HIVEP3: variants seen among roughly 807,000 people sequenced by gnomAD.
HIVEP3 encodes HIVEP zinc finger 3, also known as transcription factor HIVEP3.
A neutral mutation model predicts 152.8 loss-of-function variants in HIVEP3; 49 were observed. The observed-to-expected ratio is 0.32, with a 90% CI of 0.26 to 0.41. HIVEP3 has a LOEUF of 0.41. Among genes scored for constraint, HIVEP3 ranks in the 10% least tolerant of loss-of-function variants. The pLI, the probability that HIVEP3 is intolerant of heterozygous loss-of-function variation, is 1.00. For synonymous variants in HIVEP3, 1,269 were observed against 1,289.0 expected, an observed-to-expected ratio of 0.98 and a Z score of 0.33; for missense variants, 2,790 against 3,103.3, an observed-to-expected ratio of 0.90 and a Z score of 2.40.
intron 1 of HIVEP3, among the ~76,000 whole-genome samples, chr1:41,976,742 C>T (rs1234844505): frequency 6.6e-6 from 1 of 152,076 alleles, no homozygotes; most frequent in East Asian, 1.9e-4. Context: ...TCCAATATGA[C>T]TGATGTCCTT....
rs148475997 is a variant in HIVEP3 at position 41,757,308 on chromosome 1, G to A, written c.-800-56313C>T. 7.8e-3 allele frequency among the ~76,000 whole-genome samples: 1,182 copies of A among 151,926 alleles called. 8 individuals are homozygous for A. The highest frequency in any genetic ancestry group is 0.024 in the African/African-American group (985 of 41,400). ...TTTTTTTTGTATTTTTAGTAGAGAC[G>A]GAGTTTCACCATGTTAGCCAGGATG... On this transcript the variant is annotated intron_variant, in intron 1 of 8. Coordinates refer to ENST00000372583, the MANE Select transcript of HIVEP3 (RefSeq NM_024503.5).
intron 1 of HIVEP3, among the ~76,000 whole-genome samples, chr1:42,019,303 T>C (rs1055004026): frequency 6.6e-6 from 1 of 152,044 alleles, no homozygotes; most frequent in Non-Finnish European, 1.5e-5. Flanking sequence ...TTTGAATGGC[T>C]TGTATAATAT....
At chr1:41,831,792 G>T (rs1248882255) in intron 1 of HIVEP3, among the ~76,000 whole-genome samples, 1 of 152,162 alleles carries the variant, frequency 6.6e-6, no homozygotes, top group African/African-American at 2.4e-5. Context: ...ACCTCACCTG[G>T]CCTGGAGCAA....
chr1:41,848,977 T>C (rs1643519897), intron 1 of HIVEP3: 1 of 152,280 alleles, frequency 6.6e-6, no homozygotes, highest in African/African-American at 2.4e-5. Flanking sequence ...GGCATGGTAT[T>C]GGAATCTGTG....
At chr1:41,981,174 AAAC>A (rs1435835514) in intron 1 of HIVEP3, among the ~76,000 whole-genome samples, 4 of 152,206 alleles carry the variant, frequency 2.6e-5, no homozygotes, top group Admixed American at 6.5e-5. Flanking sequence ...GGTGGAAAGC[AAAC>A]AACAAGAGGA....
chr1:42,017,694 G>A (rs1645531677), intron 1 of HIVEP3, among the ~76,000 whole-genome samples: 1 of 151,992 alleles, frequency 6.6e-6, no homozygotes, highest in Non-Finnish European at 1.5e-5. Context: ...TCCAGTTTGA[G>A]GCTATTATGA....
intron 1 of HIVEP3, among the ~76,000 whole-genome samples, chr1:41,896,377 G>A (rs928264761): frequency 2.6e-5 from 4 of 152,130 alleles, no homozygotes; most frequent in Non-Finnish European, 4.4e-5. Context: ...CTTAACCACT[G>A]TGAACTTGCG....
intron 5 of HIVEP3, among the ~76,000 whole-genome samples, chr1:41,526,115 C>T (rs952518068): frequency 6.6e-6 from 1 of 151,974 alleles, no homozygotes; most frequent in African/African-American, 2.4e-5. Context: ...GGGCTCCACC[C>T]TGCTCCAATG....
Position 41,507,150 on chromosome 1 carries a change from G to C in HIVEP3, c.*3301C>G, listed in dbSNP as rs1317833059. 1.3e-5 allele frequency: 2 copies of C among 152,202 alleles called. No individual in the cohort carries two copies. Among genetic ancestry groups the C allele is most frequent in the Non-Finnish European group, 2.9e-5 (2 of 68,058 alleles). 9.4% of individuals were successfully genotyped at this position (152,202 alleles called of 1,614,324 possible). On this transcript the variant is annotated 3_prime_UTR_variant, in exon 9 of 9. Coordinates refer to ENST00000372583, the MANE Select transcript of HIVEP3 (RefSeq NM_024503.5). Reference sequence around the variant, plus strand: ...GAGAGAAATCCAGCTCAGATGTATTGCTCATTCCTCTTCAGAAGGACTGGG... The same window carrying C: ...GAGAGAAATCCAGCTCAGATGTATTCCTCATTCCTCTTCAGAAGGACTGGG...
At chr1:41,769,512 G>T (rs1332936600) in intron 1 of HIVEP3, among the ~76,000 whole-genome samples, 1 of 152,140 alleles carries the variant, frequency 6.6e-6, no homozygotes, top group Non-Finnish European at 1.5e-5. Context: ...AGAAAGCACT[G>T]ATTCTAAGGC....
At chr1:41,828,790 C>T (rs1642876286) in intron 1 of HIVEP3, among the ~76,000 whole-genome samples, 2 of 152,248 alleles carry the variant, frequency 1.3e-5, no homozygotes, top group African/African-American at 4.8e-5. Flanking sequence ...TGCACCCTGG[C>T]CAGTCTCCTA....
rs115026781 is a variant in HIVEP3 at position 41,735,629 on chromosome 1, G to A, written c.-800-34634C>T. Among the ~76,000 whole-genome samples the A allele has an allele frequency of 5.8e-3, 879 of 152,166 alleles. 11 individuals are homozygous for A. Among genetic ancestry groups the A allele is most frequent in the African/African-American group, 0.02 (827 of 41,500 alleles). On this transcript the variant is annotated intron_variant, in intron 1 of 8. Coordinates refer to ENST00000372583, the MANE Select transcript of HIVEP3 (RefSeq NM_024503.5). ...TGCCTTTCTCCCCTATGGCTGGCAGGCTGGAGATATGTCTCCAGCCTGGAG... is the reference window on the plus strand; with the variant it reads ...TGCCTTTCTCCCCTATGGCTGGCAGACTGGAGATATGTCTCCAGCCTGGAG...
At chr1:41,859,257 A>G (rs1399683697) in intron 1 of HIVEP3, among the ~76,000 whole-genome samples, 1 of 152,220 alleles carries the variant, frequency 6.6e-6, no homozygotes, top group Non-Finnish European at 1.5e-5. Flanking sequence ...AGTAGCTGGC[A>G]CCATGCCCAG....
intron 1 of HIVEP3, among the ~76,000 whole-genome samples, chr1:41,991,693 C>A (rs1178803587): frequency 0.023 from 3,453 of 150,300 alleles, 170 homozygotes; most frequent in African/African-American, 0.083. Flanking sequence ...GAGACACAAC[C>A]AAAAAAGAGA....
At chr1:41,882,265 C>T (rs1244045063) in intron 1 of HIVEP3, among the ~76,000 whole-genome samples, 5 of 152,146 alleles carry the variant, frequency 3.3e-5, no homozygotes, top group Admixed American at 6.5e-5. Context: ...TAAACAGCTG[C>T]GAGCTGCACG....
intron 1 of HIVEP3, among the ~76,000 whole-genome samples, chr1:41,744,748 C>T (rs1198278730): frequency 6.6e-6 from 1 of 152,064 alleles, no homozygotes; most frequent in South Asian, 2.1e-4. Context: ...TACATTCCAA[C>T]ACATACATAT....
At chr1:41,645,133 C>G (rs78068971) in intron 2 of HIVEP3, among the ~76,000 whole-genome samples, 1 of 152,168 alleles carries the variant, frequency 6.6e-6, no homozygotes, top group South Asian at 2.1e-4. Flanking sequence ...AACACTCCAG[C>G]CCCTGCTGCT....
rs1272112117 is a variant in HIVEP3 at position 41,581,237 on chromosome 1, T to C, written c.3561A>G (p.Gln1187=). 2.5e-6 allele frequency: 4 copies of C among 1,582,750 alleles called. No homozygotes were observed. The highest frequency in any genetic ancestry group is 1.7e-6 in the Non-Finnish European group (2 of 1,164,702). The change falls in exon 4 of 9, where the codon CAA becomes CAG. Residue 1187 remains glutamine (Q), a synonymous_variant. Transcript: ENST00000372583. This position sits in a 1 kb window ranked among gnomAD's most constrained non-coding sequence, Gnocchi z 4.5. ...TAGGCTGGAGAGGAAGCGGTGGGGC[T>C]TGAAATAAGGAGGGAGGAAGTGGGG... ...SMPPLPPSLF[Q]APPLPLQPTV...
chr1:41,982,257 A>G (rs1022290077), intron 1 of HIVEP3, among the ~76,000 whole-genome samples: 10 of 152,350 alleles, frequency 6.6e-5, no homozygotes, highest in African/African-American at 2.4e-4. Flanking sequence ...GAGAATGGGA[A>G]TGCAAAAGGG....
Sources: allele counts gnomAD v4.1 joint callset (sites outside exome capture counted in the v4.1 genomes callset), GRCh38; gene constraint gnomAD v4.1.1; non-coding constraint Gnocchi (gnomAD v3.1); transcripts MANE v1.5; gene names NCBI Gene and HGNC (gene_info 2026-07-23, HGNC 2026-07-21).